LRRC1: variants seen among roughly 807,000 people sequenced by gnomAD.
The protein encoded by LRRC1 is leucine-rich repeat-containing protein 1.
In LRRC1, 28 loss-of-function variants were observed where a neutral mutation model predicts 69.9. That is an observed-to-expected ratio of 0.40 (90% CI 0.30 to 0.55). LRRC1 has a LOEUF of 0.55. Among genes scored for constraint, LRRC1 ranks in the 20% least tolerant of loss-of-function variants. LRRC1 has a pLI of 0.47. For missense variants in LRRC1, 498 were observed against 609.0 expected (o/e 0.82, Z 1.92); for synonymous variants, 236 against 240.2 (o/e 0.98, Z 0.16).
chr6:53,874,305 A>C (rs943246339), intron 2 of LRRC1, among the ~76,000 whole-genome samples: 1 of 152,106 alleles, frequency 6.6e-6, no homozygotes, highest in Non-Finnish European at 1.5e-5. Flanking sequence ...AATGTTCGTG[A>C]GTTTTAAAAA....
chr6:53,824,389 A>C (rs1765201047), intron 1 of LRRC1, among the ~76,000 whole-genome samples: 1 of 151,358 alleles, frequency 6.6e-6, no homozygotes, highest in East Asian at 1.9e-4. Flanking sequence ...TGCATATTAG[A>C]CCTTTGTCAG....
At chr6:53,889,212 T>G (rs1285914476) in intron 4 of LRRC1, among the ~76,000 whole-genome samples, 1 of 152,142 alleles carries the variant, frequency 6.6e-6, no homozygotes, top group Non-Finnish European at 1.5e-5. Flanking sequence ...CTAACAAGTG[T>G]TGTTCAGGAT....
intron 2 of LRRC1, among the ~76,000 whole-genome samples, chr6:53,875,327 C>A (rs1163108168): frequency 6.6e-6 from 1 of 152,050 alleles, no homozygotes; most frequent in Non-Finnish European, 1.5e-5. Context: ...CCATTAAGAA[C>A]AGCAAACTAC....
chr6:53,825,655 G>A (rs1474509737), intron 1 of LRRC1, among the ~76,000 whole-genome samples: 2 of 152,010 alleles, frequency 1.3e-5, no homozygotes, highest in Non-Finnish European at 2.9e-5. Flanking sequence ...GAAATGCATC[G>A]CCTCACTGCA....
chr6:53,845,306 G>A (rs1765908917), intron 2 of LRRC1, among the ~76,000 whole-genome samples: 2 of 152,146 alleles, frequency 1.3e-5, no homozygotes, highest in Admixed American at 1.3e-4. Flanking sequence ...GCCATTTCTT[G>A]GTCAAGCAGA....
intron 13 of LRRC1, 24 bp downstream of exon 13, chr6:53,920,785 C>G: frequency 6.2e-7 from 1 of 1,613,670 alleles, no homozygotes; most frequent in Non-Finnish European, 8.5e-7. Context: ...GATTCTTTGC[C>G]TCTGTGGAAG....
intron 1 of LRRC1, among the ~76,000 whole-genome samples, chr6:53,817,100 A>G (rs1764972347): frequency 6.6e-6 from 1 of 152,174 alleles, no homozygotes; most frequent in Non-Finnish European, 1.5e-5. Flanking sequence ...CTAAGATTAC[A>G]GCCCCTAATT....
chr6:53,836,235 A>G (rs1323927093), intron 1 of LRRC1, among the ~76,000 whole-genome samples: 2 of 152,252 alleles, frequency 1.3e-5, no homozygotes, highest in African/African-American at 4.8e-5. Flanking sequence ...GCATGAGTCC[A>G]GATGAGAGCA....
intron 1 of LRRC1, among the ~76,000 whole-genome samples, chr6:53,837,216 G>GTT (rs35504026): frequency 6.0e-5 from 9 of 149,780 alleles, no homozygotes; most frequent in African/African-American, 4.9e-5. Flanking sequence ...ATATGTGAGA[G>GTT]TTTTTTTTTT....
At chr6:53,889,678 C>T (rs887925854) in intron 4 of LRRC1, among the ~76,000 whole-genome samples, 16 of 152,078 alleles carry the variant, frequency 1.1e-4, no homozygotes, top group African/African-American at 3.1e-4. Flanking sequence ...ATTTTCTTTT[C>T]GGTATGATGA....
chr6:53,817,635 C>T (rs964540363), intron 1 of LRRC1, among the ~76,000 whole-genome samples: 4 of 152,152 alleles, frequency 2.6e-5, no homozygotes, highest in Admixed American at 1.3e-4. Flanking sequence ...CCCCATTCTC[C>T]TTACCTCCAG....
At chr6:53,878,771 G>T (rs1025490972) in intron 2 of LRRC1, among the ~76,000 whole-genome samples, 1 of 152,212 alleles carries the variant, frequency 6.6e-6, no homozygotes, top group African/African-American at 2.4e-5. Flanking sequence ...TTTTGTCAGA[G>T]ATTTGATGTT....
chr6:53,797,928 T>A (rs965600364), intron 1 of LRRC1, among the ~76,000 whole-genome samples: 3 of 152,238 alleles, frequency 2.0e-5, no homozygotes, highest in African/African-American at 7.2e-5. Flanking sequence ...GAATCTTCTA[T>A]CCTGCTTCTC....
rs1768803020 is a variant in LRRC1, at chr6:53,923,623, A to G, written c.*830A>G. ...TGACTGCTAATATTTTATTCCTTAC[A>G]CTTTTTTTCTGAATAAGTCTCTCAT... is the stretch of plus-strand genomic sequence containing the variant. On this transcript the variant is annotated 3_prime_UTR_variant, in exon 14 of 14. Transcript: ENST00000370888. 1 of 152,622 alleles carries G rather than the reference A, an allele frequency of 6.6e-6. No individual in the cohort carries two copies. Among genetic ancestry groups the G allele is most frequent in the Non-Finnish European group, 1.5e-5 (1 of 68,024 alleles). 9.5% of individuals were successfully genotyped at this position (152,622 alleles called of 1,614,324 possible).
At chr6:53,916,873 C>G (rs1261813045) in intron 11 of LRRC1, among the ~76,000 whole-genome samples, 3 of 152,146 alleles carry the variant, frequency 2.0e-5, no homozygotes, top group Admixed American at 6.5e-5. Context: ...CTGGGTTGGT[C>G]ATGGACATAA....
chr6:53,897,377 A>AGT lies in LRRC1; in HGVS notation c.642+21_642+22dup. The AGT allele has an allele frequency of 6.5e-7, 1 of 1,542,920 alleles. No individual in the cohort carries two copies. On this transcript the variant is annotated intron_variant, in intron 7 of 13. Transcript: ENST00000370888. Reference sequence around the variant, plus strand: ...TACCTCAGGTAAGTGGTAATTTCACAGTGTCTCCCCAAAACATAAAACAGC... The same window carrying AGT: ...TACCTCAGGTAAGTGGTAATTTCACAGTGTGTCTCCCCAAAACATAAAACAGC...
chr6:53,830,134 C>T (rs1765385792), intron 1 of LRRC1, among the ~76,000 whole-genome samples: 1 of 152,176 alleles, frequency 6.6e-6, no homozygotes, highest in African/African-American at 2.4e-5. Context: ...CGGGCCACTA[C>T]CCAACATTTC....
intron 1 of LRRC1, among the ~76,000 whole-genome samples, chr6:53,830,754 A>G (rs1765402544): frequency 6.6e-6 from 1 of 151,888 alleles, no homozygotes; most frequent in South Asian, 2.1e-4. Flanking sequence ...GTTGGAGAGG[A>G]ACCCTTATAC....
intron 10 of LRRC1, among the ~76,000 whole-genome samples, chr6:53,909,629 G>T (rs917800026): frequency 6.6e-6 from 1 of 151,230 alleles, no homozygotes; most frequent in Non-Finnish European, 1.5e-5. Context: ...AAAGAATTCC[G>T]TAGCTATTAG....
Sources: gnomAD v4.1 joint callset for allele counts (sites outside exome capture counted in the v4.1 genomes callset) on GRCh38, gnomAD v4.1.1 for gene constraint, MANE v1.5 for transcripts, NCBI Gene and HGNC (gene_info 2026-07-23, HGNC 2026-07-21) for gene names.